The following PDE1A variants were observed in gnomAD, a reference collection of about 807,000 sequenced individuals.
PDE1A encodes phosphodiesterase 1A.
Under a neutral mutation model 61.7 loss-of-function variants are expected in PDE1A, and 35 were observed. That is an observed-to-expected ratio of 0.57 (90% CI 0.43 to 0.75). The LOEUF is 0.75. PDE1A is among the 30% of genes least tolerant of loss of function. PDE1A has a pLI of 0.00. For synonymous variants in PDE1A, 232 were observed against 213.2 expected (o/e 1.09, Z -0.77); for missense variants, 597 against 630.6 (o/e 0.95, Z 0.57).
chr2:182,321,639 A>G (rs1696697764), intron 1 of PDE1A, among the ~76,000 whole-genome samples: 1 of 152,136 alleles, frequency 6.6e-6, no homozygotes, highest in African/African-American at 2.4e-5. Context: ...ACATTGCTGA[A>G]CACCTGTTTT....
At chr2:182,477,097 G>T (rs539485425) in intron 2 of PDE1A, among the ~76,000 whole-genome samples, 4 of 151,810 alleles carry the variant, frequency 2.6e-5, no homozygotes, top group Admixed American at 6.6e-5. Context: ...ATAATAATTC[G>T]TAAGTCAAAG....
the PDE1A span, among the ~76,000 whole-genome samples, chr2:182,703,720 CCT>C: frequency 1.3e-5 from 2 of 152,118 alleles, no homozygotes; most frequent in African/African-American, 4.8e-5. Context: ...ACCTAGGTCT[CCT>C]CATCCATGAA....
chr2:182,468,823 T>G (rs1464118132), intron 2 of PDE1A, among the ~76,000 whole-genome samples: 1 of 152,008 alleles, frequency 6.6e-6, no homozygotes, highest in South Asian at 2.1e-4. Context: ...TGAGCAGGCA[T>G]GAAAACAGCA....
chr2:182,347,179 T>A (rs1453334704), intron 1 of PDE1A, among the ~76,000 whole-genome samples: 4 of 152,088 alleles, frequency 2.6e-5, no homozygotes, highest in Non-Finnish European at 5.9e-5. Flanking sequence ...CAGAAAATGT[T>A]GATTTAAATC....
At position 182,273,263 on chromosome 2, in the gene PDE1A, C is replaced by T. The variant is rs886398479; in HGVS notation, c.54-8849G>A. ...AAGGAAAGTGACTTAACTTAGAAGT[C>T]AGATCCTTTACTTGGTAGTTTTTGA... On this transcript the variant is annotated intron_variant, in intron 1 of 13. Transcript: ENST00000351439. Among the ~76,000 whole-genome samples, 3 of 152,084 alleles carry T rather than the reference C, an allele frequency of 2.0e-5. No individual in the cohort carries two copies. In the South Asian group the frequency reaches 6.2e-4, roughly 32 times the overall value.
the PDE1A span, among the ~76,000 whole-genome samples, chr2:182,633,324 C>A: frequency 6.6e-6 from 1 of 152,160 alleles, no homozygotes; most frequent in Non-Finnish European, 1.5e-5. Flanking sequence ...AAAAGGTCCA[C>A]CCTGTTGCAT....
At chr2:182,317,725 G>A (rs73038191) in intron 1 of PDE1A, among the ~76,000 whole-genome samples, 9,335 of 152,124 alleles carry the variant, frequency 0.061, 724 homozygotes, top group African/African-American at 0.18. Flanking sequence ...AGGGACCTAG[G>A]AACAATGGAG....
At chr2:182,258,765 GA>G (rs1692007650) in intron 2 of PDE1A, among the ~76,000 whole-genome samples, 1 of 152,198 alleles carries the variant, frequency 6.6e-6, no homozygotes. Context: ...TTGGAAGTCT[GA>G]CTCTGTATAA....
chr2:182,368,720 T>A (rs1339556357), intron 1 of PDE1A, among the ~76,000 whole-genome samples: 1 of 152,168 alleles, frequency 6.6e-6, no homozygotes, highest in Non-Finnish European at 1.5e-5. Flanking sequence ...CCCATCCTAT[T>A]TTCCAGCTGA....
At chr2:182,546,642 T>C in the PDE1A span, among the ~76,000 whole-genome samples, 1 of 152,186 alleles carries the variant, frequency 6.6e-6, no homozygotes. Flanking sequence ...CAACCAGAGA[T>C]TCCAGCCAAC....
chr2:182,177,428 T>C (rs1487827323), intron 13 of PDE1A, among the ~76,000 whole-genome samples: 4 of 151,936 alleles, frequency 2.6e-5, no homozygotes, highest in African/African-American at 9.7e-5. Context: ...AGTGTATGTG[T>C]CAAGGAATTT....
the PDE1A span, among the ~76,000 whole-genome samples, chr2:182,701,862 A>G: frequency 6.6e-6 from 1 of 152,198 alleles, no homozygotes; most frequent in Non-Finnish European, 1.5e-5. Context: ...GACTGAGACA[A>G]TGCTAACAAG....
chr2:182,462,948 T>G (rs1471490049), intron 2 of PDE1A, among the ~76,000 whole-genome samples: 1 of 152,138 alleles, frequency 6.6e-6, no homozygotes, highest in Admixed American at 6.6e-5. Flanking sequence ...ATGACTACAA[T>G]TCTAAGGGTA....
At chr2:182,637,805 T>C in the PDE1A span, among the ~76,000 whole-genome samples, 1 of 151,866 alleles carries the variant, frequency 6.6e-6, no homozygotes, top group South Asian at 2.1e-4. Flanking sequence ...CCTGTAATCT[T>C]AGCTACTCAG....
At chr2:182,684,123 CAAA>C in the PDE1A span, among the ~76,000 whole-genome samples, 3 of 52,044 alleles carry the variant, frequency 5.8e-5, no homozygotes, top group Non-Finnish European at 1.2e-4. Flanking sequence ...AACTCCATCT[CAAA>C]AAAAAAAAAA....
the PDE1A span, among the ~76,000 whole-genome samples, chr2:182,556,621 CT>C: frequency 6.6e-6 from 1 of 152,118 alleles, no homozygotes; most frequent in South Asian, 2.1e-4. Context: ...GCCCTTTAAA[CT>C]TTTTGAAATT....
At chr2:182,172,711 A>G (rs1486529236) in intron 13 of PDE1A, among the ~76,000 whole-genome samples, 4 of 152,066 alleles carry the variant, frequency 2.6e-5, no homozygotes, top group African/African-American at 9.7e-5. Context: ...AAACTAAATG[A>G]TAGGCTTCTT....
intron 1 of PDE1A, among the ~76,000 whole-genome samples, chr2:182,329,458 C>T (rs1349488617): frequency 1.3e-5 from 2 of 152,012 alleles, no homozygotes; most frequent in Non-Finnish European, 2.9e-5. Flanking sequence ...GGGGCAATCT[C>T]GACTCACTGT....
At chr2:182,334,175 T>G (rs1697618475) in intron 1 of PDE1A, among the ~76,000 whole-genome samples, 1 of 151,966 alleles carries the variant, frequency 6.6e-6, no homozygotes, top group South Asian at 2.1e-4. Context: ...GTACCATTCC[T>G]TCTGAAACTA....
Sources: gnomAD v4.1 joint callset for allele counts (sites outside exome capture counted in the v4.1 genomes callset) on GRCh38, gnomAD v4.1.1 for gene constraint, MANE v1.5 for transcripts, NCBI Gene and HGNC (gene_info 2026-07-23, HGNC 2026-07-21) for gene names.